The following FSTL5 variants were observed in gnomAD, a reference collection of about 807,000 sequenced individuals.
FSTL5 encodes the protein follistatin-related protein 5.
Under a neutral mutation model 89.1 loss-of-function variants are expected in FSTL5, and 62 were observed. That is an observed-to-expected ratio of 0.70 (90% CI 0.57 to 0.86). The LOEUF (loss-of-function observed/expected upper bound fraction) is 0.86, where lower values mean the gene tolerates loss of function less well. FSTL5 is among the 40% of genes least tolerant of loss of function. The probability of loss-of-function intolerance (pLI) is 0.00; values close to 1 mark genes in which losing one functional copy is unlikely to be tolerated. For synonymous variants in FSTL5, 383 were observed against 346.2 expected (o/e 1.11, Z -1.18); for missense variants, 1,057 against 1,001.6 (o/e 1.06, Z -0.75).
intron 15 of FSTL5, among the ~76,000 whole-genome samples, chr4:161,392,483 C>A (rs1730853795): frequency 6.6e-6 from 1 of 152,106 alleles, no homozygotes; most frequent in Non-Finnish European, 1.5e-5. Flanking sequence ...CCTTGGCCTC[C>A]CAGTGTGCTG....
chr4:161,561,184 T>C (rs1181448715), intron 8 of FSTL5, among the ~76,000 whole-genome samples: 1 of 138,674 alleles, frequency 7.2e-6, no homozygotes, highest in Admixed American at 8.0e-5. Flanking sequence ...TGCATAACTG[T>C]ATTTTAGATG....
At chr4:161,629,759 C>T (rs1197529158) in intron 7 of FSTL5, among the ~76,000 whole-genome samples, 1 of 152,218 alleles carries the variant, frequency 6.6e-6, no homozygotes, top group Non-Finnish European at 1.5e-5. Flanking sequence ...AAATTATTAT[C>T]AGCCCCAAAT....
intron 4 of FSTL5, among the ~76,000 whole-genome samples, chr4:161,894,664 C>T (rs910254637): frequency 5.3e-5 from 8 of 151,944 alleles, no homozygotes; most frequent in South Asian, 4.2e-4. Context: ...TTTTTAGTAG[C>T]GATGAGGGTT....
At chr4:162,149,676 G>A (rs1733151076) in intron 1 of FSTL5, among the ~76,000 whole-genome samples, 1 of 151,830 alleles carries the variant, frequency 6.6e-6, no homozygotes, top group African/African-American at 2.4e-5. Context: ...AATAAAAAAA[G>A]TCCATGTAGT....
intron 3 of FSTL5, among the ~76,000 whole-genome samples, chr4:161,972,704 A>G (rs1300359946): frequency 6.6e-6 from 1 of 152,184 alleles, no homozygotes; most frequent in Non-Finnish European, 1.5e-5. Context: ...GATGTGAGAG[A>G]TCCAAAGCAA....
In FSTL5 at chr4:161,475,781, A is replaced by G. The variant is rs568317398; in HGVS notation, c.1608+5239T>C. On this transcript the variant is annotated intron_variant, in intron 13 of 15. Transcript: ENST00000306100. ...TTCCTTTTTTTTGAGAGGGAGTCTC[A>G]CTCTGTTGCCCAGGCTGGAGTGCAG... 3.5e-3 allele frequency among the ~76,000 whole-genome samples: 520 copies of G among 149,778 alleles called. 3 individuals carry two copies. Among genetic ancestry groups the G allele is most frequent in the African/African-American group, 0.011 (469 of 41,152 alleles).
chr4:161,657,313 T>C (rs1578999990), intron 6 of FSTL5, among the ~76,000 whole-genome samples: 1 of 152,202 alleles, frequency 6.6e-6, no homozygotes, highest in Non-Finnish European at 1.5e-5. Flanking sequence ...AAACTGACCT[T>C]TTGTTTCCTG....
chr4:161,610,222 T>C (rs1228653352), intron 7 of FSTL5, among the ~76,000 whole-genome samples: 2 of 152,140 alleles, frequency 1.3e-5, no homozygotes, highest in Non-Finnish European at 2.9e-5. Flanking sequence ...TTCTTTCAGA[T>C]TATATTTCTA....
chr4:161,533,453 A>C (rs10025714), intron 10 of FSTL5, among the ~76,000 whole-genome samples: 4,096 of 152,220 alleles, frequency 0.027, 173 homozygotes, highest in African/African-American at 0.092. Flanking sequence ...ACCTCTATGC[A>C]CACGAATTAG....
At position 161,943,538 on chromosome 4, in the gene FSTL5, C is replaced by CT. The variant is rs77101651; in HGVS notation, c.161-22887dup. ...GACTTTTACATCAGAACCACTGTAT[C>CT]TTTTTTTTTTTTTTTTTTTTTTTTT... On this transcript the variant is annotated intron_variant, in intron 3 of 15. Transcript: ENST00000306100. Among the ~76,000 whole-genome samples the CT allele has an allele frequency of 1.7e-4, 6 of 34,366 alleles. 1 individual carries two copies. The highest frequency in any genetic ancestry group is 5.0e-4 in the African/African-American group (4 of 8,066). 22.5% of individuals were successfully genotyped at this position (34,366 alleles called of 152,430 possible).
At chr4:161,911,358 T>C (rs1040909189) in intron 4 of FSTL5, among the ~76,000 whole-genome samples, 7 of 152,164 alleles carry the variant, frequency 4.6e-5, no homozygotes, top group Admixed American at 1.3e-4. Flanking sequence ...TTCAATATTG[T>C]TTCTACATAT....
intron 6 of FSTL5, among the ~76,000 whole-genome samples, chr4:161,749,808 A>AAAAT (rs1377857311): frequency 5.3e-5 from 8 of 151,280 alleles, no homozygotes; most frequent in Admixed American, 2.0e-4. Flanking sequence ...AATAAAAATA[A>AAAAT]AAATAAATAA....
At chr4:161,792,062 G>A (rs1729496201) in intron 4 of FSTL5, among the ~76,000 whole-genome samples, 2 of 152,138 alleles carry the variant, frequency 1.3e-5, no homozygotes, top group African/African-American at 2.4e-5. Flanking sequence ...ACCCTTGGTG[G>A]CCCAAGAAGT....
chr4:161,461,296 ACAAAC>A (rs757696058), intron 13 of FSTL5, among the ~76,000 whole-genome samples: 18 of 121,224 alleles, frequency 1.5e-4, no homozygotes, highest in Admixed American at 2.7e-4. Context: ...TACAAAAAAA[ACAAAC>A]AAACAAAAAA....
chr4:161,601,329 GAAAAAAAAAAA>G (rs35261391), intron 7 of FSTL5, among the ~76,000 whole-genome samples: 1 of 107,566 alleles, frequency 9.3e-6, no homozygotes, highest in Non-Finnish European at 1.8e-5. Flanking sequence ...TAAATAGTTG[GAAAAAAAAAAA>G]AAAAAAAAAA....
At chr4:161,720,439 G>A (rs1226833967) in intron 6 of FSTL5, among the ~76,000 whole-genome samples, 1 of 151,934 alleles carries the variant, frequency 6.6e-6, no homozygotes. Context: ...GTAGTCACTA[G>A]GAAAAAGCAT....
Position 161,920,482 on chromosome 4 carries a change from G to A in FSTL5, c.331C>T (p.His111Tyr). ...CAAGCAGCTCTGTGCACTTCACAGTGGTTTTCATAGAATTCTCCGTCAGAT... is the reference window on the plus strand; with the variant it reads ...CAAGCAGCTCTGTGCACTTCACAGTAGTTTTCATAGAATTCTCCGTCAGAT... The part of the protein sequence containing the change: ...CGSDGEFYEN[H>Y]CEVHRAACLK... The change falls in exon 4 of 16, where the codon CAC becomes TAC. Residue 111 changes from histidine to tyrosine, a missense_variant. Coordinates refer to ENST00000306100, the MANE Select transcript of FSTL5 (RefSeq NM_020116.5). The A allele has an allele frequency of 6.2e-7, 1 of 1,613,058 alleles. No individual in the cohort carries two copies. The highest frequency in any genetic ancestry group is 8.5e-7 in the Non-Finnish European group (1 of 1,179,678).
At chr4:161,442,645 A>G (rs1410223303) in intron 15 of FSTL5, among the ~76,000 whole-genome samples, 1 of 152,068 alleles carries the variant, frequency 6.6e-6, no homozygotes, top group Non-Finnish European at 1.5e-5. Flanking sequence ...TTATTTTTCA[A>G]TGAAAATTCA....
chr4:161,565,580 T>C (rs1049477828), intron 8 of FSTL5, among the ~76,000 whole-genome samples: 1 of 151,802 alleles, frequency 6.6e-6, no homozygotes, highest in Non-Finnish European at 1.5e-5. Context: ...CCTTTTGCAA[T>C]ATGCAAAAGC....
Sources: gnomAD v4.1 joint callset for allele counts (sites outside exome capture counted in the v4.1 genomes callset) on GRCh38, gnomAD v4.1.1 for gene constraint, MANE v1.5 for transcripts, NCBI Gene and HGNC (gene_info 2026-07-23, HGNC 2026-07-21) for gene names.